Variants in PTPRO observed in about 807,000 individuals in gnomAD.
PTPRO encodes the protein protein tyrosine phosphatase receptor type O.
PTPRO carries 62 observed loss-of-function variants against 145.2 expected under a neutral mutation model. The observed-to-expected ratio is 0.43, with a 90% CI of 0.35 to 0.53. The LOEUF is 0.53. Ranked by LOEUF, PTPRO falls within the 20% of genes least tolerant of loss-of-function variation. The probability of loss-of-function intolerance (pLI) is 0.01; values close to 1 mark genes in which losing one functional copy is unlikely to be tolerated. For missense variants in PTPRO, 1,345 were observed against 1,482.7 expected (o/e 0.91, Z 1.53); for synonymous variants, 565 against 514.7 (o/e 1.10, Z -1.32).
chr12:15,414,497 T>C (rs1344396515), intron 1 of PTPRO, among the ~76,000 whole-genome samples: 1 of 152,190 alleles, frequency 6.6e-6, no homozygotes, highest in Non-Finnish European at 1.5e-5. Context: ...TGCCCTAGCT[T>C]AAAGCTGTGC....
intron 1 of PTPRO, among the ~76,000 whole-genome samples, chr12:15,483,459 C>G (rs1374162814): frequency 6.6e-6 from 1 of 152,148 alleles, no homozygotes; most frequent in African/African-American, 2.4e-5. Context: ...AGGATCAACA[C>G]CAGTTTCTCA....
At chr12:15,502,120 A>G in intron 5 of PTPRO, 57 bp downstream of exon 5, 1 of 1,506,224 alleles carries the variant, frequency 6.6e-7, no homozygotes, top group Non-Finnish European at 9.2e-7. Flanking sequence ...GGGGAATTGA[A>G]ATGTTTTTAA....
intron 19 of PTPRO, among the ~76,000 whole-genome samples, chr12:15,572,580 C>A (rs927833883): frequency 2.4e-4 from 36 of 152,188 alleles, no homozygotes; most frequent in African/African-American, 8.4e-4. Context: ...TTTCTAACAG[C>A]TGATTTATGA....
At chr12:15,336,858 C>G (rs553194121) in intron 1 of PTPRO, among the ~76,000 whole-genome samples, 1 of 152,180 alleles carries the variant, frequency 6.6e-6, no homozygotes, top group Non-Finnish European at 1.5e-5. Flanking sequence ...AGTTGGGATA[C>G]CATTCTCCTA....
rs190456751 is a variant in PTPRO at position 15,473,331 on chromosome 12, G to A, written c.76-10643G>A. Among the ~76,000 whole-genome samples, 1,022 of 147,924 alleles carry A rather than the reference G, an allele frequency of 6.9e-3. 12 individuals carry two copies. Among genetic ancestry groups the A allele is most frequent in the African/African-American group, 0.026 (973 of 37,442 alleles). On this transcript the variant is annotated intron_variant, in intron 1 of 26. Transcript: ENST00000281171. ...ACACCTAGCATGATGCCTGTTGCCC[G>A]GTTGCCACTTAGCTCATGCTTGTGT...
At chr12:15,490,050 C>G (rs947347182) in intron 2 of PTPRO, among the ~76,000 whole-genome samples, 3 of 152,110 alleles carry the variant, frequency 2.0e-5, no homozygotes, top group Non-Finnish European at 4.4e-5. Context: ...CTTTAAGTAC[C>G]TTGCAGAGGA....
At chr12:15,431,656 A>G (rs2136342036) in intron 1 of PTPRO, among the ~76,000 whole-genome samples, 1 of 152,254 alleles carries the variant, frequency 6.6e-6, no homozygotes, top group South Asian at 2.1e-4. Flanking sequence ...GAAATTCATG[A>G]TTTTTCTATA....
Position 15,403,114 on chromosome 12 carries a change from T to C in PTPRO, c.75+80313T>C, listed in dbSNP as rs371371148. Among the ~76,000 whole-genome samples, 3 of 152,316 alleles carry C rather than the reference T, an allele frequency of 2.0e-5. No individual in the cohort carries two copies. In the East Asian group the frequency reaches 5.8e-4, roughly 29 times the overall value. ...GATTTGACTTCACTAAGAATAAAAT[T>C]CAAACCCCTTACTATGATATATAAG... On this transcript the variant is annotated intron_variant, in intron 1 of 26. Coordinates refer to ENST00000281171, the MANE Select transcript of PTPRO (RefSeq NM_030667.3).
At chr12:15,552,490 A>G (rs1382984826) in intron 15 of PTPRO, among the ~76,000 whole-genome samples, 2 of 152,220 alleles carry the variant, frequency 1.3e-5, no homozygotes, top group African/African-American at 4.8e-5. Context: ...TCCAATAGTG[A>G]TCTAATCAGT....
At chr12:15,323,937 A>T (rs923991991) in intron 1 of PTPRO, among the ~76,000 whole-genome samples, 8 of 152,218 alleles carry the variant, frequency 5.3e-5, no homozygotes, top group African/African-American at 1.9e-4. Flanking sequence ...TTAATGAAAA[A>T]TATAAAAAAA....
intron 8 of PTPRO, among the ~76,000 whole-genome samples, chr12:15,516,409 A>G (rs188787496): frequency 1.3e-5 from 2 of 150,988 alleles, no homozygotes; most frequent in Admixed American, 6.6e-5. Flanking sequence ...GAAAGAAAGA[A>G]AGAGAGAAAG....
At chr12:15,516,056 T>A (rs1268328633) in intron 8 of PTPRO, among the ~76,000 whole-genome samples, 1 of 134,210 alleles carries the variant, frequency 7.5e-6, no homozygotes, top group Non-Finnish European at 1.6e-5. Context: ...AGTGGTGCAA[T>A]CTCAGTTCCC....
At chr12:15,557,032 GT>G (rs552264784) in intron 15 of PTPRO, among the ~76,000 whole-genome samples, 2,159 of 139,900 alleles carry the variant, frequency 0.015, 16 homozygotes, top group Middle Eastern at 0.04. Context: ...CTTTTATTTT[GT>G]TTTTTTTTTT....
intron 6 of PTPRO, among the ~76,000 whole-genome samples, chr12:15,504,448 T>C (rs1288143777): frequency 6.6e-6 from 1 of 152,194 alleles, no homozygotes; most frequent in Admixed American, 6.5e-5. Flanking sequence ...CATTAGAGTA[T>C]TGAGCTTGTG....
chr12:15,451,884 CAA>C (rs1296313125), intron 1 of PTPRO, among the ~76,000 whole-genome samples: 4 of 152,084 alleles, frequency 2.6e-5, no homozygotes, highest in Admixed American at 2.6e-4. Flanking sequence ...ATGCCTACAT[CAA>C]AGAGTCTGAA....
chr12:15,502,198 A>T (rs1395399940), intron 5 of PTPRO, 135 bp downstream of exon 5: 11 of 893,634 alleles, frequency 1.2e-5, no homozygotes, highest in Non-Finnish European at 1.9e-5. Flanking sequence ...AAAGGGGAGA[A>T]TTTAATTGAG....
intron 1 of PTPRO, among the ~76,000 whole-genome samples, chr12:15,403,514 C>T (rs1032251521): frequency 8.5e-5 from 13 of 152,218 alleles, no homozygotes; most frequent in African/African-American, 2.9e-4. Flanking sequence ...ACCCGGCAGG[C>T]GGAGGTTGCA....
chr12:15,569,222 A>G (rs1943979799), intron 18 of PTPRO, among the ~76,000 whole-genome samples, 195 bp from the exon 19 acceptor site: 1 of 152,098 alleles, frequency 6.6e-6, no homozygotes, highest in African/African-American at 2.4e-5. Context: ...GAAGCTGGAT[A>G]TATATGCCCT....
intron 2 of PTPRO, among the ~76,000 whole-genome samples, chr12:15,494,931 A>C (rs918583198): frequency 3.3e-5 from 5 of 152,216 alleles, no homozygotes; most frequent in African/African-American, 1.2e-4. Context: ...TCTTAGGGTC[A>C]GAGTCAATAG....
Sources: allele counts gnomAD v4.1 joint callset (sites outside exome capture counted in the v4.1 genomes callset), GRCh38; gene constraint gnomAD v4.1.1; transcripts MANE v1.5; gene names NCBI Gene and HGNC (gene_info 2026-07-23, HGNC 2026-07-21).